The following IL1RAPL1 variants were observed in gnomAD, a reference collection of about 807,000 sequenced individuals.
The protein encoded by IL1RAPL1 is interleukin-1 receptor accessory protein-like 1.
A neutral mutation model predicts 48.4 loss-of-function variants in IL1RAPL1; 3 were observed. The ratio of observed to expected loss-of-function variants is 0.06; its 90% CI spans 0.03 to 0.16. IL1RAPL1 has a LOEUF of 0.16. IL1RAPL1 is among the 10% of genes least tolerant of loss of function. The pLI is 1.00. For missense variants in IL1RAPL1, 349 were observed against 530.6 expected (o/e 0.66, Z 3.36); for synonymous variants, 185 against 187.7 (o/e 0.99, Z 0.12).
intron 1 of IL1RAPL1, among the ~76,000 whole-genome samples, chrX:28,678,626 T>C (rs760383036): frequency 1.8e-5 from 2 of 111,840 alleles, no homozygotes; most frequent in South Asian, 7.6e-4. Context: ...TTCTTTTTTC[T>C]AATACTCTGC....
chrX:29,495,428 G>A (rs888759575), intron 5 of IL1RAPL1, among the ~76,000 whole-genome samples: 2 of 111,519 alleles, frequency 1.8e-5, no homozygotes, highest in East Asian at 2.8e-4. Context: ...AACACAGAAC[G>A]CAGGAATTTG....
chrX:28,943,274 A>G (rs1273269388), intron 2 of IL1RAPL1, among the ~76,000 whole-genome samples: 1 of 109,615 alleles, frequency 9.1e-6, no homozygotes, highest in Non-Finnish European at 1.9e-5. Flanking sequence ...AAACCTTGGC[A>G]GGGGGATAGA....
intron 3 of IL1RAPL1, among the ~76,000 whole-genome samples, chrX:29,333,082 A>G (rs1932905901): frequency 8.9e-6 from 1 of 111,990 alleles, no homozygotes; most frequent in Non-Finnish European, 1.9e-5. Flanking sequence ...CCGATTTCTC[A>G]ATTTTTTTCC....
chrX:29,197,023 G>A (rs2023379477), intron 2 of IL1RAPL1, among the ~76,000 whole-genome samples: 1 of 110,267 alleles, frequency 9.1e-6, no homozygotes, highest in African/African-American at 3.3e-5. Flanking sequence ...ACGATTTTAG[G>A]ATTCTTAGAG....
At chrX:28,905,876 C>G (rs1321024067) in intron 2 of IL1RAPL1, among the ~76,000 whole-genome samples, 2 of 111,462 alleles carry the variant, frequency 1.8e-5, no homozygotes, top group Admixed American at 9.6e-5. Flanking sequence ...AGGCCTGTAA[C>G]TGAAAAATTA....
chrX:28,594,500 G>T (rs1933934787), intron 1 of IL1RAPL1, among the ~76,000 whole-genome samples: 1 of 111,967 alleles, frequency 8.9e-6, no homozygotes, highest in South Asian at 3.7e-4. Context: ...CATTATAGGA[G>T]TAAGGGATGC....
At chrX:29,182,419 T>C (rs1047930986) in intron 2 of IL1RAPL1, among the ~76,000 whole-genome samples, 2 of 112,164 alleles carry the variant, frequency 1.8e-5, no homozygotes, top group Non-Finnish European at 3.8e-5. Context: ...TCTAAAATGG[T>C]AAAAAAGCCT....
chrX:29,148,847 T>G (rs1386359943), intron 2 of IL1RAPL1, among the ~76,000 whole-genome samples: 1 of 111,382 alleles, frequency 9.0e-6, no homozygotes, highest in Non-Finnish European at 1.9e-5. Context: ...GACCTAACTT[T>G]CCCATAAAAA....
chrX:28,856,527 G>A (rs921364748), intron 2 of IL1RAPL1, among the ~76,000 whole-genome samples: 6 of 111,535 alleles, frequency 5.4e-5, no homozygotes, highest in Admixed American at 9.6e-5. Flanking sequence ...GTCTATCAAT[G>A]CCATTTTTTC....
chrX:29,326,854 G>A (rs1421649351), intron 3 of IL1RAPL1, among the ~76,000 whole-genome samples: 1 of 112,071 alleles, frequency 8.9e-6, no homozygotes. Flanking sequence ...TGCAGAACTT[G>A]AGAATTTATG....
chrX:29,428,320 G>A (rs1290016234), intron 5 of IL1RAPL1, among the ~76,000 whole-genome samples: 3 of 111,719 alleles, frequency 2.7e-5, no homozygotes, highest in African/African-American at 9.8e-5. Flanking sequence ...TTGCAGTAGG[G>A]ATTGCACCGG....
At chrX:29,239,048 C>T (rs774312174) in intron 2 of IL1RAPL1, among the ~76,000 whole-genome samples, 46 of 112,181 alleles carry the variant, frequency 4.1e-4, no homozygotes, top group Non-Finnish European at 7.7e-4. Flanking sequence ...TTATCTTTTT[C>T]ATATTTCTCT....
intron 1 of IL1RAPL1, among the ~76,000 whole-genome samples, chrX:28,606,835 C>T (rs948872308): frequency 6.3e-5 from 7 of 111,160 alleles, no homozygotes; most frequent in Admixed American, 5.8e-4. Flanking sequence ...TCAATGACAA[C>T]TTGGAGAGTT....
chrX:29,553,373 A>G (rs1921882858), intron 5 of IL1RAPL1, among the ~76,000 whole-genome samples: 1 of 111,282 alleles, frequency 9.0e-6, no homozygotes, highest in African/African-American at 3.3e-5. Context: ...TTTTTCTCAG[A>G]TAGAGTCTGT....
At chrX:29,769,425 CAG>C (rs1928993519) in intron 6 of IL1RAPL1, among the ~76,000 whole-genome samples, 1 of 50,679 alleles carries the variant, frequency 2.0e-5, no homozygotes, top group East Asian at 9.0e-4. Flanking sequence ...GACTGCCAAA[CAG>C]TTTTTTTTTT....
At chrX:29,882,038 G>GTGTA (rs1395813436) in intron 6 of IL1RAPL1, among the ~76,000 whole-genome samples, 1 of 111,823 alleles carries the variant, frequency 8.9e-6, no homozygotes, top group Admixed American at 9.5e-5. Context: ...GTATGTGTGT[G>GTGTA]TGTATAGTAG....
chrX:28,634,703 T>C (rs1189991645), intron 1 of IL1RAPL1, among the ~76,000 whole-genome samples: 2 of 110,753 alleles, frequency 1.8e-5, no homozygotes, highest in Non-Finnish European at 3.8e-5. Flanking sequence ...AGTCCTTCTT[T>C]TGTTTTATTT....
chrX:29,465,385 A>G (rs1170750266), intron 5 of IL1RAPL1, among the ~76,000 whole-genome samples: 1 of 111,952 alleles, frequency 8.9e-6, no homozygotes, highest in Non-Finnish European at 1.9e-5. Context: ...CAGCCTGGGT[A>G]ACAGGGTGAG....
chrX:28,867,612 A>T (rs1331892966), intron 2 of IL1RAPL1, among the ~76,000 whole-genome samples: 1 of 112,420 alleles, frequency 8.9e-6, no homozygotes, highest in Non-Finnish European at 1.9e-5. Context: ...AAACCTAAAA[A>T]TATGACTTTG....
Sources: allele counts gnomAD v4.1 joint callset (sites outside exome capture counted in the v4.1 genomes callset), GRCh38; gene constraint gnomAD v4.1.1; transcripts MANE v1.5; gene names NCBI Gene and HGNC (gene_info 2026-07-23, HGNC 2026-07-21).